Variants in DCUN1D4 observed in about 807,000 individuals in gnomAD.
DCUN1D4 encodes DCN1-like protein 4.
A neutral mutation model predicts 47.9 loss-of-function variants in DCUN1D4; 22 were observed. The ratio of observed to expected loss-of-function variants is 0.46; its 90% CI spans 0.33 to 0.66. The LOEUF is 0.66. DCUN1D4 is among the 30% of genes least tolerant of loss of function. DCUN1D4 has a pLI of 0.02. For synonymous variants in DCUN1D4, 121 were observed against 112.2 expected, an observed-to-expected ratio of 1.08 and a Z score of -0.50; for missense variants, 301 against 340.8, an observed-to-expected ratio of 0.88 and a Z score of 0.92.
chr4:51,843,594 G>T, intron 1 of DCUN1D4: 1 of 1,266,682 alleles, frequency 7.9e-7, no homozygotes, highest in Non-Finnish European at 9.9e-7. Context: ...GCATGGAGGT[G>T]GAGGCAGCGT....
intron 1 of DCUN1D4, among the ~76,000 whole-genome samples, chr4:51,848,601 TC>T (rs761909824): frequency 1.1e-4 from 16 of 152,372 alleles, no homozygotes; most frequent in Admixed American, 1.3e-4. Context: ...TTGCTTTTTT[TC>T]TTTTGAAATT....
intron 4 of DCUN1D4, among the ~76,000 whole-genome samples, chr4:51,876,959 C>T (rs528942440): frequency 3.7e-4 from 57 of 152,140 alleles, no homozygotes; most frequent in African/African-American, 1.3e-3. Flanking sequence ...ATATCCATAT[C>T]ATCATTTTAA....
Position 51,879,893 on chromosome 4 carries a change from TTTC to T in DCUN1D4, c.343+2045_343+2047del, listed in dbSNP as rs1485022258. 6.6e-5 allele frequency among the ~76,000 whole-genome samples: 10 copies of T among 152,320 alleles called. No individual in the cohort carries two copies. The East Asian group carries it at 1.9e-3, about 29-fold the overall frequency. On this transcript the variant is annotated intron_variant, in intron 5 of 10. Coordinates refer to ENST00000334635, the MANE Select transcript of DCUN1D4 (RefSeq NM_001040402.3). ...GCCAAGAAAATAGCAAGGTGTGACT[TTTC>T]TTCTTGTTTGCCTTTCTCTGACTTT...
chr4:51,861,656 G>C (rs576903494), intron 1 of DCUN1D4, among the ~76,000 whole-genome samples: 1 of 152,136 alleles, frequency 6.6e-6, no homozygotes. Context: ...AGTGAAAAGA[G>C]AATCAAGAGG....
chr4:51,882,296 C>A (rs1270228881), intron 5 of DCUN1D4, among the ~76,000 whole-genome samples: 2 of 152,188 alleles, frequency 1.3e-5, no homozygotes, highest in Non-Finnish European at 2.9e-5. Context: ...GCTCAGAGTT[C>A]ATTTTCCCAT....
chr4:51,905,373 C>A, intron 8 of DCUN1D4: 1 of 265,034 alleles, frequency 3.8e-6, no homozygotes, highest in Non-Finnish European at 8.1e-6. Context: ...GCTCTCCTCC[C>A]GCTGTGGAAT....
intron 5 of DCUN1D4, among the ~76,000 whole-genome samples, chr4:51,880,487 G>A (rs1728422938): frequency 1.3e-5 from 2 of 152,176 alleles, no homozygotes; most frequent in Non-Finnish European, 2.9e-5. Context: ...AGAATTCTCA[G>A]TTCCACTTTG....
intron 1 of DCUN1D4, chr4:51,860,549 C>A (rs745618543): frequency 2.2e-6 from 1 of 454,384 alleles, no homozygotes; most frequent in South Asian, 1.6e-5. Flanking sequence ...GCAGGCTTTA[C>A]AGGAAGTATG....
chr4:51,843,663 GGAGC>G lies in DCUN1D4; in HGVS notation c.25+410_25+413del, dbSNP rs750433128. 88 of 1,249,190 alleles carry G rather than the reference GGAGC, an allele frequency of 7.0e-5. No homozygotes were observed. In the East Asian group the frequency reaches 1.6e-3, roughly 23 times the overall value. The allele number at this position is 1,249,190 out of a possible 1,614,324, so 77.4% of individuals were successfully genotyped here. A position where few individuals can be genotyped will look rare whatever the true frequency, so the allele number is the denominator to read the frequency against. On this transcript the variant is annotated intron_variant, in intron 1 of 10. Transcript: ENST00000334635. ...GGGTGGCACCGGCGGGGAGAGGGAG[GGAGC>G]GAGCGAGCGAGCGGGGCACAAGGGT...
chr4:51,906,181 A>C (rs1732864567), intron 8 of DCUN1D4, among the ~76,000 whole-genome samples: 1 of 152,116 alleles, frequency 6.6e-6, no homozygotes, highest in Non-Finnish European at 1.5e-5. Flanking sequence ...CAAGTCTGTC[A>C]GCCCCTCCAT....
chr4:51,875,692 CG>C (rs1347783785), intron 4 of DCUN1D4, among the ~76,000 whole-genome samples: 1 of 152,158 alleles, frequency 6.6e-6, no homozygotes, highest in Non-Finnish European at 1.5e-5. Context: ...TACTTTGTCT[CG>C]ACAGATTTCC....
rs773124993 is a variant in DCUN1D4, at chr4:51,916,015, A to G, written c.*2431A>G. On this transcript the variant is annotated 3_prime_UTR_variant, in exon 11 of 11. Coordinates refer to ENST00000334635, the MANE Select transcript of DCUN1D4 (RefSeq NM_001040402.3). Reference sequence around the variant, plus strand: ...GGAGAAAAAGGGGTCAGACAGAGTAATATGATACATTTTCTTAAAAACTTC... The same window carrying G: ...GGAGAAAAAGGGGTCAGACAGAGTAGTATGATACATTTTCTTAAAAACTTC... The G allele has an allele frequency of 9.9e-5, 15 of 152,104 alleles. No individual in the cohort carries two copies. Among genetic ancestry groups the G allele is most frequent in the Admixed American group, 5.9e-4 (9 of 15,260 alleles). The allele number at this position is 152,104 out of a possible 1,614,324, so 9.4% of individuals were successfully genotyped here.
intron 5 of DCUN1D4, among the ~76,000 whole-genome samples, chr4:51,878,810 T>C (rs908176798): frequency 6.6e-6 from 1 of 152,274 alleles, no homozygotes; most frequent in African/African-American, 2.4e-5. Flanking sequence ...ATAGTGTTTA[T>C]AACTTGTTGT....
Position 51,916,761 on chromosome 4 carries a change from A to G in DCUN1D4, c.*3177A>G, listed in dbSNP as rs1271990786. 1 of 152,554 alleles carries G rather than the reference A, an allele frequency of 6.6e-6. No individual in the cohort carries two copies. The highest frequency in any genetic ancestry group is 1.5e-5 in the Non-Finnish European group (1 of 67,988). 9.5% of individuals were successfully genotyped at this position (152,554 alleles called of 1,614,324 possible). A position where few individuals can be genotyped will look rare whatever the true frequency, so the allele number is the denominator to read the frequency against. ...TATGCCACCTAACTTGAGTACAGCA[A>G]ACTGGTTTTAGGTTTCAATGACATT... On this transcript the variant is annotated 3_prime_UTR_variant, in exon 11 of 11. Transcript: ENST00000334635.
At chr4:51,878,609 C>A (rs1728049032) in intron 5 of DCUN1D4, among the ~76,000 whole-genome samples, 2 of 152,158 alleles carry the variant, frequency 1.3e-5, no homozygotes, top group Non-Finnish European at 2.9e-5. Flanking sequence ...CATTCCTGAA[C>A]AACCTCAACC....
rs558551541 is a variant in DCUN1D4 at position 51,878,226 on chromosome 4, TTAAG to T, written c.343+374_343+377del. ...CTTAGTGCAGTGAAATTTCTTTATA[TTAAG>T]TGTTTCTATTTGGAAAGATCATTTG... is the stretch of plus-strand genomic sequence containing the variant. On this transcript the variant is annotated intron_variant, in intron 5 of 10. Coordinates refer to ENST00000334635, the MANE Select transcript of DCUN1D4 (RefSeq NM_001040402.3). Among the ~76,000 whole-genome samples the T allele has an allele frequency of 1.4e-3, 216 of 152,310 alleles. 1 individual carries two copies. Among genetic ancestry groups the T allele is most frequent in the African/African-American group, 5.1e-3 (211 of 41,562 alleles).
chr4:51,843,395 C>T, intron 1 of DCUN1D4, 128 bp downstream of exon 1: 3 of 1,302,042 alleles, frequency 2.3e-6, no homozygotes, highest in South Asian at 1.9e-5. Flanking sequence ...TGGGAACCAC[C>T]CCTTCCCCTC....
chr4:51,861,670 A>G (rs1376556317), intron 1 of DCUN1D4, among the ~76,000 whole-genome samples: 1 of 152,098 alleles, frequency 6.6e-6, no homozygotes, highest in Non-Finnish European at 1.5e-5. Flanking sequence ...CAAGAGGCTA[A>G]AGTTTTCTCA....
intron 8 of DCUN1D4, among the ~76,000 whole-genome samples, chr4:51,909,159 G>T (rs1214147342): frequency 6.6e-6 from 1 of 152,154 alleles, no homozygotes; most frequent in Non-Finnish European, 1.5e-5. Flanking sequence ...TCACCTTAGT[G>T]TATGTCCATT....
Sources: gnomAD v4.1 joint callset for allele counts (sites outside exome capture counted in the v4.1 genomes callset) on GRCh38, gnomAD v4.1.1 for gene constraint, MANE v1.5 for transcripts, NCBI Gene and HGNC (gene_info 2026-07-23, HGNC 2026-07-21) for gene names.